PRR27: variants seen among roughly 807,000 people sequenced by gnomAD.
PRR27 encodes the protein proline rich 27.
Under a neutral mutation model 16.8 loss-of-function variants are expected in PRR27, and 12 were observed. The ratio of observed to expected loss-of-function variants is 0.71; its 90% CI spans 0.46 to 1.16. The LOEUF is 1.16. PRR27 is among the 50% of genes most tolerant of loss of function. PRR27 has a pLI of 0.00. For missense variants in PRR27, 277 were observed against 273.3 expected (o/e 1.01, Z -0.10); for synonymous variants, 100 against 98.4 (o/e 1.02, Z -0.10).
chr4:70,158,534 C>G lies in PRR27; in HGVS notation c.282C>G (p.Pro94=). 1.2e-6 allele frequency: 2 copies of G among 1,614,132 alleles called. No individual in the cohort carries two copies. Among genetic ancestry groups the G allele is most frequent in the East Asian group, 4.5e-5 (2 of 44,886 alleles). Residue 94 remains proline (P), a synonymous_variant, in exon 3 of 5, where the codon CCC becomes CCG. Transcript: ENST00000344526. ...ATGTCTATCACATCCGTGGTTTTCC[C>G]TTAGCTACTCAGTTGAATGTTCCTC... is the stretch of plus-strand genomic sequence containing the variant. The part of the protein sequence containing the change: ...FPYVYHIRGF[P]LATQLNVPPL...
chr4:70,154,455 C>A (rs190006651), intron 1 of PRR27, 29 bp downstream of exon 1: 2 of 1,550,242 alleles, frequency 1.3e-6, no homozygotes, highest in Non-Finnish European at 8.9e-7. Context: ...AAAATTGTAA[C>A]AATTGTATAA....
At position 70,158,724 on chromosome 4, in the gene PRR27, C is replaced by G; in HGVS notation, c.472C>G (p.Pro158Ala). 1 of 1,578,724 alleles carries G rather than the reference C, an allele frequency of 6.3e-7. No individual in the cohort carries two copies. Among genetic ancestry groups the G allele is most frequent in the Non-Finnish European group, 8.7e-7 (1 of 1,153,178 alleles). ...TGCAGGGGCCCCTGTTGCAGCTGAG[C>G]CTGCTGCAGAGGCACCTGTTGGAGC... ...PAAGAPVAAE[P>A]AAEAPVGAEP... The change falls in exon 3 of 5, where the codon CCT (proline) becomes GCT (alanine). Residue 158 changes from proline to alanine, a missense_variant. Transcript: ENST00000344526.
In PRR27 at chr4:70,162,296, C is replaced by A. The variant is rs146169685; in HGVS notation, c.*34-399C>A. On this transcript the variant is annotated intron_variant, in intron 4 of 4. Coordinates refer to ENST00000344526, the MANE Select transcript of PRR27 (RefSeq NM_214711.4). ...ATCAAAGTTATTTCTGAGGTGACATCACTAGCTAAAGTAGAATTGAAAAGC... is the reference window on the plus strand; with the variant it reads ...ATCAAAGTTATTTCTGAGGTGACATAACTAGCTAAAGTAGAATTGAAAAGC... Among the ~76,000 whole-genome samples the A allele has an allele frequency of 5.8e-4, 88 of 152,292 alleles. 2 individuals carry two copies. The East Asian group carries it at 0.016, about 28-fold the overall frequency.
chr4:70,156,874 T>TC (rs1728494404), intron 2 of PRR27, among the ~76,000 whole-genome samples: 1 of 31,386 alleles, frequency 3.2e-5, no homozygotes. Context: ...TATTTTGAAT[T>TC]TTTTTTTGCA....
intron 4 of PRR27, among the ~76,000 whole-genome samples, chr4:70,161,892 T>C (rs968526343): frequency 2.0e-5 from 3 of 152,186 alleles, no homozygotes; most frequent in Non-Finnish European, 4.4e-5. Context: ...AGATTTTAAA[T>C]TAACAGTAGT....
rs552892660 is a variant in PRR27, at chr4:70,154,301, A to T, written c.-75A>T. 1 of 1,248,978 alleles carries T rather than the reference A, an allele frequency of 8.0e-7. No individual in the cohort carries two copies. The highest frequency in any genetic ancestry group is 1.1e-6 in the Non-Finnish European group (1 of 871,466). The allele number at this position is 1,248,978 out of a possible 1,614,324, so 77.4% of individuals were successfully genotyped here. The stretch of plus-strand genomic sequence containing the variant: ...TTCGTTTCTCTCTAAAAGAAGAAAA[A>T]TATAATTTAAAAATACATTGCGTAT... On this transcript the variant is annotated 5_prime_UTR_variant, in exon 1 of 5. Coordinates refer to ENST00000344526, the MANE Select transcript of PRR27 (RefSeq NM_214711.4).
chr4:70,166,360 A>G lies in PRR27; in HGVS notation c.*3699A>G, dbSNP rs1264148792. The G allele has an allele frequency of 2.6e-5, 4 of 152,060 alleles. No individual in the cohort carries two copies. The highest frequency in any genetic ancestry group is 9.7e-5 in the African/African-American group (4 of 41,434). 9.4% of individuals were successfully genotyped at this position (152,060 alleles called of 1,614,324 possible). A position where few individuals can be genotyped will look rare whatever the true frequency, so the allele number is the denominator to read the frequency against. On this transcript the variant is annotated 3_prime_UTR_variant, in exon 5 of 5. Coordinates refer to ENST00000344526, the MANE Select transcript of PRR27 (RefSeq NM_214711.4). ...TATTATCACATGCATATATGTGTGT[A>G]TGTATATATGTGTGCATGTGCATGC...
chr4:70,156,577 T>C (rs1035406769), intron 2 of PRR27, among the ~76,000 whole-genome samples: 1 of 152,192 alleles, frequency 6.6e-6, no homozygotes, highest in Non-Finnish European at 1.5e-5. Flanking sequence ...CAAATACCCA[T>C]AAATTATCTC....
intron 2 of PRR27, among the ~76,000 whole-genome samples, chr4:70,157,088 G>T (rs1336978117): frequency 2.0e-5 from 3 of 151,948 alleles, no homozygotes; most frequent in African/African-American, 7.3e-5. Flanking sequence ...AACACCTGGG[G>T]ACATATATTA....
In PRR27 at chr4:70,158,727, G is replaced by C. The variant is rs777473777; in HGVS notation, c.475G>C (p.Ala159Pro). The C allele has an allele frequency of 6.3e-7, 1 of 1,577,868 alleles. No homozygotes were observed. The change falls in exon 3 of 5, where the codon GCT becomes CCT. Residue 159 changes from alanine (A) to proline (P), a missense_variant. Transcript: ENST00000344526. Reference protein sequence around the residue: ...AAGAPVAAEPAAEAPVGAEPA... With the variant: ...AAGAPVAAEPPAEAPVGAEPA... ...AGGGGCCCCTGTTGCAGCTGAGCCT[G>C]CTGCAGAGGCACCTGTTGGAGCTGA...
At chr4:70,157,199 T>A (rs1011089981) in intron 2 of PRR27, among the ~76,000 whole-genome samples, 1 of 151,908 alleles carries the variant, frequency 6.6e-6, no homozygotes, top group Non-Finnish European at 1.5e-5. Context: ...TGGAAAAAAA[T>A]TAAATGTTAA....
intron 1 of PRR27, 130 bp downstream of exon 1, chr4:70,154,556 G>A (rs767103454): frequency 9.2e-6 from 8 of 870,370 alleles, no homozygotes; most frequent in Non-Finnish European, 1.5e-5. Context: ...ATGGACATGA[G>A]ATTTGTAGTG....
intron 2 of PRR27, among the ~76,000 whole-genome samples, chr4:70,156,302 C>G (rs988886209): frequency 6.6e-6 from 1 of 152,158 alleles, no homozygotes; most frequent in Admixed American, 6.5e-5. Flanking sequence ...TGAGCAAAAG[C>G]ATTAAGTGCA....
Position 70,163,528 on chromosome 4 carries a change from G to T in PRR27, c.*867G>T, listed in dbSNP as rs1728692709. The T allele has an allele frequency of 1.3e-5, 2 of 152,176 alleles. No individual in the cohort carries two copies. The highest frequency in any genetic ancestry group is 4.1e-4 in the South Asian group (2 of 4,820). The allele number at this position is 152,176 out of a possible 1,614,324, so 9.4% of individuals were successfully genotyped here. ...AGGGGTTCCCTATGTTGGCCAGGAT[G>T]GTCTTGATCTCCTGACCTCATGATC... On this transcript the variant is annotated 3_prime_UTR_variant, in exon 5 of 5. Coordinates refer to ENST00000344526, the MANE Select transcript of PRR27 (RefSeq NM_214711.4).
intron 3 of PRR27, among the ~76,000 whole-genome samples, chr4:70,160,160 A>G (rs1479775667): frequency 6.6e-6 from 1 of 152,088 alleles, no homozygotes; most frequent in African/African-American, 2.4e-5. Flanking sequence ...TGAGCACACT[A>G]CCCAAGAGGT....
intron 1 of PRR27, chr4:70,154,738 A>T (rs1179705881): frequency 1.5e-6 from 2 of 1,349,672 alleles, no homozygotes; most frequent in African/African-American, 2.9e-5. Context: ...TATCTCTTCA[A>T]ATTATAGAAT....
rs1397871434 is a variant in PRR27, at chr4:70,164,646, T to G, written c.*1985T>G. On this transcript the variant is annotated 3_prime_UTR_variant, in exon 5 of 5. Transcript: ENST00000344526. ...TTTGTAATCATACATGATAGTCAAT[T>G]TTAATGATTATGTTGTCAAAATTCA... The G allele has an allele frequency of 2.6e-5, 4 of 152,144 alleles. No individual in the cohort carries two copies. The highest frequency in any genetic ancestry group is 9.7e-5 in the African/African-American group (4 of 41,442). The allele number at this position is 152,144 out of a possible 1,614,324, so 9.4% of individuals were successfully genotyped here.
chr4:70,158,086 C>CTATA (rs1728531692), intron 2 of PRR27, among the ~76,000 whole-genome samples: 1 of 152,134 alleles, frequency 6.6e-6, no homozygotes, highest in African/African-American at 2.4e-5. Context: ...ATTCTGTGGA[C>CTATA]TATAACACTC....
rs147109187 is a variant in PRR27, at chr4:70,158,629, C to A, written c.377C>A (p.Ala126Asp). The part of the protein sequence containing the change: ...RFFSAAAAPA[A>D]PPIAAEPAAA... ...TTTTCAGCAGCTGCAGCACCCGCTG[C>A]CCCACCTATTGCAGCTGAGCCTGCT... Residue 126 changes from alanine (A) to aspartate (D), a missense_variant, in exon 3 of 5, where the codon GCC becomes GAC. Physicochemically the swap from Ala to Asp is moderately radical, Grantham distance 126. Transcript: ENST00000344526. 233 of 1,614,124 alleles carry A rather than the reference C, an allele frequency of 1.4e-4. 1 individual carries two copies. In the East Asian group the frequency reaches 4.6e-3, roughly 32 times the overall value.
Sources: allele counts gnomAD v4.1 joint callset (sites outside exome capture counted in the v4.1 genomes callset), GRCh38; gene constraint gnomAD v4.1.1; transcripts MANE v1.5; gene names NCBI Gene and HGNC (gene_info 2026-07-23, HGNC 2026-07-21).